The following GLRA2 variants were observed in gnomAD, a reference collection of about 807,000 sequenced individuals.
The protein encoded by GLRA2 is glycine receptor alpha 2.
GLRA2 carries 11 observed loss-of-function variants against 31.6 expected under a neutral mutation model. The observed-to-expected ratio is 0.35, with a 90% confidence interval of 0.22 to 0.58. The LOEUF is 0.58. Ranked by LOEUF, GLRA2 falls within the 20% of genes least tolerant of loss-of-function variation. The pLI is 0.84. For missense variants in GLRA2, 212 were observed against 351.8 expected (o/e 0.60, Z 3.18); for synonymous variants, 132 against 134.0 (o/e 0.99, Z 0.10).
chrX:14,730,551 G>C lies in GLRA2; in HGVS notation c.*66G>C. 3 of 457,866 alleles carry C rather than the reference G, an allele frequency of 6.6e-6. No homozygotes were observed. The South Asian group carries it at 9.5e-5, about 15-fold the overall frequency. The allele number at this position is 457,866 out of a possible 1,213,427, so 37.7% of individuals were successfully genotyped here. ...GTGCTTGTAAATACACAGTGAAATT[G>C]TCTTTATATCACTTTGACAGAGGAG... On this transcript the variant is annotated 3_prime_UTR_variant, in exon 9 of 9. Transcript: ENST00000218075.
intron 7 of GLRA2, among the ~76,000 whole-genome samples, chrX:14,681,571 T>C (rs937218090): frequency 3.6e-5 from 4 of 110,213 alleles, no homozygotes; most frequent in Non-Finnish European, 7.6e-5. Flanking sequence ...AAACCTACAG[T>C]CTAAGAGTAG....
intron 7 of GLRA2, among the ~76,000 whole-genome samples, chrX:14,628,734 TAGAA>T (rs2090614293): frequency 9.0e-6 from 1 of 111,301 alleles, no homozygotes; most frequent in East Asian, 2.8e-4. Flanking sequence ...TTCAGAGAAT[TAGAA>T]AGAAAGACTG....
At chrX:14,649,702 T>C (rs2090869366) in intron 7 of GLRA2, among the ~76,000 whole-genome samples, 1 of 111,803 alleles carries the variant, frequency 8.9e-6, no homozygotes, top group African/African-American at 3.2e-5. Context: ...ATACATGATA[T>C]TTCTTCCTAA....
the GLRA2 span, among the ~76,000 whole-genome samples, chrX:14,470,424 G>T: frequency 5.4e-5 from 6 of 111,377 alleles, no homozygotes; most frequent in Non-Finnish European, 1.1e-4. Context: ...AATTTATGAT[G>T]ATTATATATC....
At chrX:14,450,267 C>T in the GLRA2 span, among the ~76,000 whole-genome samples, 4 of 112,305 alleles carry the variant, frequency 3.6e-5, no homozygotes, top group Admixed American at 1.9e-4. Flanking sequence ...TACTCCACAA[C>T]CTGCTCTGAC....
Position 14,607,387 on chromosome X carries a change from C to T in GLRA2, c.715+119C>T, listed in dbSNP as rs1285617298. The T allele has an allele frequency of 1.8e-5, 10 of 566,193 alleles. No homozygotes were observed. In the South Asian group the frequency reaches 2.5e-4, roughly 14 times the overall value. The allele number at this position is 566,193 out of a possible 1,213,427, so 46.7% of individuals were successfully genotyped here. On this transcript the variant is annotated intron_variant, in intron 6 of 8. Transcript: ENST00000218075. Reference sequence around the variant, plus strand: ...ATTTACCAGGCAAATAGACCTATGTCGCACGGACCTGATTTGGCTCAAAAC... The same window carrying T: ...ATTTACCAGGCAAATAGACCTATGTTGCACGGACCTGATTTGGCTCAAAAC...
chrX:14,477,063 C>T, the GLRA2 span, among the ~76,000 whole-genome samples: 9 of 111,584 alleles, frequency 8.1e-5, no homozygotes, highest in African/African-American at 2.9e-4. Context: ...GGTAGGCAAT[C>T]ATCCTCTCTT....
intron 7 of GLRA2, among the ~76,000 whole-genome samples, chrX:14,681,076 T>C (rs1441391640): frequency 8.9e-6 from 1 of 112,327 alleles, no homozygotes; most frequent in Admixed American, 9.4e-5. Context: ...TAATTATACT[T>C]TAAGTTCTAG....
chrX:14,690,573 G>GA, intron 7 of GLRA2, 137 bp from the exon 8 acceptor site: 3 of 453,867 alleles, frequency 6.6e-6, no homozygotes, highest in Non-Finnish European at 1.1e-5. Context: ...GAAAACGCTG[G>GA]AAAATCATTG....
intron 8 of GLRA2, among the ~76,000 whole-genome samples, chrX:14,715,936 G>A (rs1053883739): frequency 9.0e-6 from 1 of 111,710 alleles, no homozygotes; most frequent in Non-Finnish European, 1.9e-5. Context: ...GCGTAGCACA[G>A]TGCAAAATTA....
intron 7 of GLRA2, among the ~76,000 whole-genome samples, chrX:14,643,853 C>T (rs2090801100): frequency 9.0e-6 from 1 of 111,506 alleles, no homozygotes; most frequent in Admixed American, 9.5e-5. Flanking sequence ...TCACAAGGTG[C>T]TAGAAAAGTG....
chrX:14,703,840 T>C lies in GLRA2; in HGVS notation c.1080+12981T>C, dbSNP rs187987878. 7.8e-4 allele frequency among the ~76,000 whole-genome samples: 87 copies of C among 111,716 alleles called. 1 individual carries two copies. The highest frequency in any genetic ancestry group is 1.2e-3 in the Admixed American group (13 of 10,610). ...TTTGAGCCCCATTTGGCAACCATGGTCACCTGCTGATTATTCACACATCCT... is the reference window on the plus strand; with the variant it reads ...TTTGAGCCCCATTTGGCAACCATGGCCACCTGCTGATTATTCACACATCCT... On this transcript the variant is annotated intron_variant, in intron 8 of 8. Transcript: ENST00000218075.
At chrX:14,544,781 A>G (rs1438721631) in intron 2 of GLRA2, among the ~76,000 whole-genome samples, 1 of 111,796 alleles carries the variant, frequency 8.9e-6, no homozygotes, top group Non-Finnish European at 1.9e-5. Flanking sequence ...GGAAAGGATG[A>G]TTATATATAG....
At chrX:14,645,095 T>A (rs1167016814) in intron 7 of GLRA2, among the ~76,000 whole-genome samples, 1 of 111,720 alleles carries the variant, frequency 9.0e-6, no homozygotes, top group African/African-American at 3.3e-5. Context: ...TAATGAGAAA[T>A]GTTGGTTTTA....
intron 7 of GLRA2, among the ~76,000 whole-genome samples, chrX:14,613,473 A>C (rs1026546543): frequency 5.4e-5 from 6 of 111,130 alleles, no homozygotes; most frequent in Admixed American, 3.8e-4. Context: ...TAAAAAACAA[A>C]GAAAGCAAAA....
chrX:14,640,666 G>A (rs1050811194), intron 7 of GLRA2, among the ~76,000 whole-genome samples: 3 of 111,139 alleles, frequency 2.7e-5, no homozygotes, highest in Admixed American at 9.7e-5. Flanking sequence ...TTTGCAGTTC[G>A]TATTCTTTCA....
intron 7 of GLRA2, among the ~76,000 whole-genome samples, chrX:14,680,094 G>T (rs928056838): frequency 8.9e-6 from 1 of 112,464 alleles, no homozygotes; most frequent in Non-Finnish European, 1.9e-5. Context: ...GTAAATGAAT[G>T]AATATGGCTG....
chrX:14,717,809 G>T (rs749773840), intron 8 of GLRA2, among the ~76,000 whole-genome samples: 1 of 108,228 alleles, frequency 9.2e-6, no homozygotes, highest in African/African-American at 3.4e-5. Context: ...GCACGCATTA[G>T]ATTACTCAGT....
the GLRA2 span, among the ~76,000 whole-genome samples, chrX:14,487,270 A>G: frequency 1.8e-5 from 2 of 108,289 alleles, no homozygotes; most frequent in African/African-American, 6.7e-5. Context: ...GCTGGCTACC[A>G]TATCAGACAG....
Sources: allele counts gnomAD v4.1 joint callset (sites outside exome capture counted in the v4.1 genomes callset), GRCh38; gene constraint gnomAD v4.1.1; transcripts MANE v1.5; gene names NCBI Gene and HGNC (gene_info 2026-07-23, HGNC 2026-07-21).